ATP8B1: variants seen among roughly 807,000 people sequenced by gnomAD.
ATP8B1 encodes phospholipid-transporting ATPase IC.
A neutral mutation model predicts 149.9 loss-of-function variants in ATP8B1; 80 were observed. That is an observed-to-expected ratio of 0.53 (90% CI 0.45 to 0.64). The LOEUF (loss-of-function observed/expected upper bound fraction) is 0.64. Ranked by LOEUF, ATP8B1 falls within the 30% of genes least tolerant of loss-of-function variation. The pLI, the probability that ATP8B1 is intolerant of heterozygous loss-of-function variation, is 0.00. For synonymous variants in ATP8B1, 536 were observed against 562.8 expected (o/e 0.95, Z 0.67); for missense variants, 1,247 against 1,552.6 (o/e 0.80, Z 3.31).
chr18:57,650,537 T>G, intron 26 of ATP8B1, 40 bp from the exon 27 acceptor site: 2 of 1,604,436 alleles, frequency 1.2e-6, no homozygotes, highest in Non-Finnish European at 1.7e-6. Flanking sequence ...TGGTTCTTTT[T>G]TCCTAAGAAC....
Position 57,720,462 on chromosome 18 carries a change from G to A in ATP8B1, c.181+11165C>T, listed in dbSNP as rs1181420369. On this transcript the variant is annotated intron_variant, in intron 2 of 27. Coordinates refer to ENST00000648908, the MANE Select transcript of ATP8B1 (RefSeq NM_001374385.1). ...TACGTGAAGAATGCAGAAGCCTCAG[G>A]AGCCGATGCGATCAACTGGAAGAAA... 9.6e-5 allele frequency among the ~76,000 whole-genome samples: 8 copies of A among 83,496 alleles called. No homozygotes were observed. The Admixed American group carries it at 1.2e-3, about 13-fold the overall frequency. The allele number at this position is 83,496 out of a possible 152,430, so 54.8% of individuals were successfully genotyped here. A position where few individuals can be genotyped will look rare whatever the true frequency, so the allele number is the denominator to read the frequency against.
intron 1 of ATP8B1, 126 bp from the exon 2 acceptor site, chr18:57,731,958 G>T (rs928311439): frequency 5.5e-6 from 5 of 907,274 alleles, no homozygotes; most frequent in African/African-American, 3.3e-5. Context: ...TTCTGGAATA[G>T]TACCCCCAAA....
rs1485630412 is a variant in ATP8B1, at chr18:57,655,259, A to G, written c.2866T>C (p.Tyr956His). 3 of 1,614,106 alleles carry G rather than the reference A, an allele frequency of 1.9e-6. No individual in the cohort carries two copies. The highest frequency in any genetic ancestry group is 1.3e-5 in the African/African-American group (1 of 74,938). Residue 956 changes from tyrosine to histidine, a missense_variant, in exon 23 of 28, where the codon TAC becomes CAC. By Grantham distance (83) the Tyr-to-His change is moderately conservative (BLOSUM62 2). Coordinates refer to ENST00000648908, the MANE Select transcript of ATP8B1 (RefSeq NM_001374385.1). ...ACCAAAGTAAAGGCAAAGTTTTTGT[A>G]AAAGAAGTATCGTAGGAACTTGCAC... ...RMCKFLRYFFYKNFAFTLVHF... is the reference protein window; with the variant it reads ...RMCKFLRYFFHKNFAFTLVHF...
chr18:57,721,561 T>C (rs1393339103), intron 2 of ATP8B1, among the ~76,000 whole-genome samples: 1 of 152,026 alleles, frequency 6.6e-6, no homozygotes, highest in African/African-American at 2.4e-5. Context: ...CCTAAATATA[T>C]ATGCACCCAA....
intron 1 of ATP8B1, among the ~76,000 whole-genome samples, chr18:57,791,169 G>A (rs2080460140): frequency 6.6e-6 from 1 of 152,116 alleles, no homozygotes; most frequent in South Asian, 2.1e-4. Flanking sequence ...CCAGCCCCTG[G>A]CAACCACTGC....
At chr18:57,747,188 C>T (rs550883157) in intron 1 of ATP8B1, among the ~76,000 whole-genome samples, 2 of 152,284 alleles carry the variant, frequency 1.3e-5, no homozygotes, top group South Asian at 4.2e-4. Context: ...CGTGGTGGCT[C>T]ATACCTGTAA....
In ATP8B1 at chr18:57,701,201, T is replaced by A. The variant is rs1349265119; in HGVS notation, c.492+14A>T. 2 of 1,613,700 alleles carry A rather than the reference T, an allele frequency of 1.2e-6. No homozygotes were observed. Among genetic ancestry groups the A allele is most frequent in the Non-Finnish European group, 1.7e-6 (2 of 1,179,562 alleles). On this transcript the variant is annotated intron_variant, in intron 5 of 27. Coordinates refer to ENST00000648908, the MANE Select transcript of ATP8B1 (RefSeq NM_001374385.1). The stretch of plus-strand genomic sequence containing the variant: ...TCAAAGCAATGAGTAGAACGTTGTA[T>A]GAGAAATCCTCACCACATCGTCCAC...
At chr18:57,788,191 C>T (rs1447812584) in intron 1 of ATP8B1, among the ~76,000 whole-genome samples, 1 of 152,148 alleles carries the variant, frequency 6.6e-6, no homozygotes, top group South Asian at 2.1e-4. Context: ...AATGAGATCA[C>T]AGAGAGGCAT....
intron 15 of ATP8B1, among the ~76,000 whole-genome samples, chr18:57,682,961 G>T (rs1213133253): frequency 6.6e-6 from 1 of 152,006 alleles, no homozygotes; most frequent in African/African-American, 2.4e-5. Flanking sequence ...CTGAGTAGCT[G>T]GGACTACAGG....
intron 4 of ATP8B1, among the ~76,000 whole-genome samples, chr18:57,703,868 C>A (rs1913252786): frequency 6.6e-6 from 1 of 152,112 alleles, no homozygotes; most frequent in African/African-American, 2.4e-5. Context: ...AATCAATGAT[C>A]TTTTTGGGGG....
Position 57,648,437 on chromosome 18 carries a change from A to T in ATP8B1, c.*51T>A, listed in dbSNP as rs1909323091. 1 of 1,590,268 alleles carries T rather than the reference A, an allele frequency of 6.3e-7. No individual in the cohort carries two copies. The highest frequency in any genetic ancestry group is 8.6e-7 in the Non-Finnish European group (1 of 1,161,466). On this transcript the variant is annotated 3_prime_UTR_variant, in exon 28 of 28. Transcript: ENST00000648908. ...ACACACAAAGTCCTGAGAGTCTTTC[A>T]TAAAAAAATAGACGTGCTTTGTGGC...
chr18:57,739,101 T>C (rs2079886400), intron 1 of ATP8B1, among the ~76,000 whole-genome samples: 1 of 152,180 alleles, frequency 6.6e-6, no homozygotes, highest in African/African-American at 2.4e-5. Flanking sequence ...CTTCAAGCGA[T>C]TCTCCTGCCT....
At chr18:57,775,984 A>G (rs1040961832) in intron 1 of ATP8B1, among the ~76,000 whole-genome samples, 1 of 152,146 alleles carries the variant, frequency 6.6e-6, no homozygotes, top group Non-Finnish European at 1.5e-5. Context: ...GTGCTCCATT[A>G]GTCAAAATAA....
In ATP8B1 at chr18:57,690,021, AAAAC is replaced by A. The variant is rs200218638; in HGVS notation, c.1221-1518_1221-1515del. Among the ~76,000 whole-genome samples, 680 of 151,864 alleles carry A rather than the reference AAAAC, an allele frequency of 4.5e-3. 4 individuals carry two copies. Among genetic ancestry groups the A allele is most frequent in the Non-Finnish European group, 5.3e-3 (363 of 68,018 alleles). ...ACAGAGCAAGACTCTGTCTCAAAAC[AAAAC>A]AAACAAACAACAAACAAACAAACAA... On this transcript the variant is annotated intron_variant, in intron 12 of 27. Transcript: ENST00000648908.
intron 1 of ATP8B1, among the ~76,000 whole-genome samples, chr18:57,791,198 A>G (rs2080460353): frequency 6.6e-6 from 1 of 152,116 alleles, no homozygotes. Context: ...CTGTCTCTGA[A>G]CTTGACTATT....
chr18:57,718,103 T>TAAAAAAAAA (rs59629558), intron 2 of ATP8B1, among the ~76,000 whole-genome samples: 271 of 31,520 alleles, frequency 8.6e-3, no homozygotes, highest in Middle Eastern at 0.026. Context: ...CTGGACTAAC[T>TAAAAAAAAA]AAAAAAAAAA....
intron 22 of ATP8B1, among the ~76,000 whole-genome samples, 173 bp downstream of exon 22, chr18:57,661,001 C>A (rs1383791485): frequency 1.3e-5 from 2 of 152,182 alleles, no homozygotes; most frequent in Non-Finnish European, 2.9e-5. Context: ...GGGCTGTGGG[C>A]TTTCTGGGGG....
At chr18:57,691,267 G>T (rs554099849) in intron 12 of ATP8B1, among the ~76,000 whole-genome samples, 18 of 152,098 alleles carry the variant, frequency 1.2e-4, no homozygotes, top group Non-Finnish European at 2.4e-4. Context: ...CCCTGACTTT[G>T]TTGTTGTGGT....
At chr18:57,759,958 C>A (rs2080132214) in intron 1 of ATP8B1, among the ~76,000 whole-genome samples, 1 of 152,170 alleles carries the variant, frequency 6.6e-6, no homozygotes, top group African/African-American at 2.4e-5. Flanking sequence ...ACCCTCCTAC[C>A]ATTCCCATCA....
Sources: gnomAD v4.1 joint callset for allele counts (sites outside exome capture counted in the v4.1 genomes callset) on GRCh38, gnomAD v4.1.1 for gene constraint, MANE v1.5 for transcripts, NCBI Gene and HGNC (gene_info 2026-07-23, HGNC 2026-07-21) for gene names.